Variants in PDE10A observed in about 807,000 individuals in gnomAD.
The protein encoded by PDE10A is cAMP and cAMP-inhibited cGMP 3',5'-cyclic phosphodiesterase 10A.
PDE10A carries 39 observed loss-of-function variants against 97.7 expected under a neutral mutation model. That is an observed-to-expected ratio of 0.40 (90% CI 0.31 to 0.52). PDE10A has a LOEUF of 0.52. Ranked by LOEUF, PDE10A falls within the 20% of genes least tolerant of loss-of-function variation. The pLI, the probability that PDE10A is intolerant of heterozygous loss-of-function variation, is 0.56. For missense variants in PDE10A, 731 were observed against 1,047.8 expected (o/e 0.70, Z 4.17); for synonymous variants, 371 against 376.8 (o/e 0.98, Z 0.18).
chr6:165,561,546 A>G (rs1261078862), intron 1 of PDE10A, among the ~76,000 whole-genome samples: 1 of 152,204 alleles, frequency 6.6e-6, no homozygotes, highest in Non-Finnish European at 1.5e-5. Flanking sequence ...AAAACGTAAC[A>G]TTTATTGCTG....
chr6:165,887,157 G>A (rs1781651348), intron 1 of PDE10A, among the ~76,000 whole-genome samples: 1 of 152,192 alleles, frequency 6.6e-6, no homozygotes, highest in Non-Finnish European at 1.5e-5. Flanking sequence ...TGAACTGAAA[G>A]ATGAGCATGA....
chr6:165,911,627 T>C (rs1782455838), intron 1 of PDE10A, among the ~76,000 whole-genome samples: 3 of 152,294 alleles, frequency 2.0e-5, no homozygotes, highest in South Asian at 4.2e-4. Flanking sequence ...AACATGAGGC[T>C]TTGCCCCACT....
At chr6:165,943,758 C>A (rs1192753381) in intron 1 of PDE10A, among the ~76,000 whole-genome samples, 1 of 152,228 alleles carries the variant, frequency 6.6e-6, no homozygotes, top group Non-Finnish European at 1.5e-5. Flanking sequence ...CTAATATCTT[C>A]TGGAAACGTC....
chr6:165,725,046 A>T (rs1201728064), intron 1 of PDE10A, among the ~76,000 whole-genome samples: 3 of 152,176 alleles, frequency 2.0e-5, no homozygotes, highest in African/African-American at 4.8e-5. Context: ...CGCCGAGGGA[A>T]ATTTGGCTGA....
chr6:165,578,590 A>G (rs775226702), intron 1 of PDE10A, among the ~76,000 whole-genome samples: 15 of 152,092 alleles, frequency 9.9e-5, no homozygotes, highest in Non-Finnish European at 1.6e-4. Context: ...CCCCATTCCT[A>G]TGGTCCTCAA....
intron 13 of PDE10A, among the ~76,000 whole-genome samples, chr6:165,406,009 G>A (rs1180340834): frequency 2.0e-5 from 3 of 152,000 alleles, no homozygotes; most frequent in South Asian, 2.1e-4. Flanking sequence ...ATGCTTATGT[G>A]TGGAACGAAC....
At chr6:165,405,160 G>A (rs998655322) in intron 13 of PDE10A, among the ~76,000 whole-genome samples, 5 of 152,158 alleles carry the variant, frequency 3.3e-5, no homozygotes, top group African/African-American at 4.8e-5. Context: ...AGGGGCATTG[G>A]AAAAATGACT....
At chr6:165,337,018 A>G (rs1021261054) in intron 20 of PDE10A, among the ~76,000 whole-genome samples, 2 of 152,006 alleles carry the variant, frequency 1.3e-5, no homozygotes, top group African/African-American at 4.8e-5. Flanking sequence ...GTGGTGTCCC[A>G]ATATTTACTC....
intron 2 of PDE10A, among the ~76,000 whole-genome samples, chr6:165,497,387 ATGTAACAACT>A (rs1780602509): frequency 1.3e-5 from 2 of 152,230 alleles, no homozygotes; most frequent in Non-Finnish European, 2.9e-5. Context: ...CCTATAGAAA[ATGTAACAACT>A]TGTAAAGTGC....
chr6:165,340,780 A>C (rs909866414), intron 19 of PDE10A, among the ~76,000 whole-genome samples: 1 of 152,198 alleles, frequency 6.6e-6, no homozygotes, highest in African/African-American at 2.4e-5. Context: ...AATGGCAGCT[A>C]GGGGCTGAGA....
At chr6:165,627,410 A>G (rs1788438481) in intron 1 of PDE10A, among the ~76,000 whole-genome samples, 1 of 152,256 alleles carries the variant, frequency 6.6e-6, no homozygotes, top group Non-Finnish European at 1.5e-5. Context: ...CATATGATTA[A>G]TTCTTAGAAA....
intron 3 of PDE10A, among the ~76,000 whole-genome samples, chr6:165,465,594 G>A (rs1201283393): frequency 6.6e-6 from 1 of 152,190 alleles, no homozygotes; most frequent in East Asian, 1.9e-4. Context: ...TTGACTTATA[G>A]TTCCACATGA....
intron 2 of PDE10A, among the ~76,000 whole-genome samples, chr6:165,537,167 T>C (rs1783137962): frequency 6.6e-6 from 1 of 151,830 alleles, no homozygotes; most frequent in Admixed American, 6.6e-5. Context: ...GTCCATTAAG[T>C]GAAATAAGCC....
chr6:165,932,826 T>C (rs1186394091), intron 1 of PDE10A, among the ~76,000 whole-genome samples: 1 of 152,202 alleles, frequency 6.6e-6, no homozygotes, highest in Middle Eastern at 3.2e-3. Context: ...GGCTTAGCCT[T>C]TAAAGACTCA....
Position 165,482,349 on chromosome 6 carries a change from G to A in PDE10A, c.995-6C>T. 6.3e-7 allele frequency: 1 copy of A among 1,598,910 alleles called. No individual in the cohort carries two copies. Among genetic ancestry groups the A allele is most frequent in the Non-Finnish European group, 8.6e-7 (1 of 1,166,446 alleles). ...TTCCTTAGGAGCTGATTCATCTGGG[G>A]ATAGAGAAGGAAGAGGGAAAAACAC... On this transcript the variant is annotated splice_region_variant and splice_polypyrimidine_tract_variant and intron_variant, in intron 2 of 21. Coordinates refer to ENST00000539869, the MANE Select transcript of PDE10A (RefSeq NM_001385079.1).
At chr6:165,650,266 A>T (rs1789611851) in intron 1 of PDE10A, among the ~76,000 whole-genome samples, 1 of 152,168 alleles carries the variant, frequency 6.6e-6, no homozygotes, top group African/African-American at 2.4e-5. Context: ...TTAATTTTTG[A>T]ATGGGAGATA....
rs1278658329 is a variant in PDE10A, at chr6:165,373,176, C to T, written c.2783+6018G>A. Among the ~76,000 whole-genome samples the T allele has an allele frequency of 4.0e-5, 6 of 151,228 alleles. No homozygotes were observed. In the East Asian group the frequency reaches 9.7e-4, roughly 24 times the overall value. On this transcript the variant is annotated intron_variant, in intron 18 of 21. Transcript: ENST00000539869. ...TTCAGGACATAGGCATGGGCAAGGA[C>T]TTCATGTCTAAAACACCAAAAGCAA... is the stretch of plus-strand genomic sequence containing the variant.
chr6:165,384,636 G>GTC (rs1297650429), intron 17 of PDE10A, among the ~76,000 whole-genome samples: 1 of 94,948 alleles, frequency 1.1e-5, no homozygotes, highest in Non-Finnish European at 2.0e-5. Flanking sequence ...GAGTGAGTGT[G>GTC]TGTGTGTGTG....
At chr6:165,730,572 T>C (rs923056578) in intron 1 of PDE10A, among the ~76,000 whole-genome samples, 1 of 150,194 alleles carries the variant, frequency 6.7e-6, no homozygotes, top group Admixed American at 6.7e-5. Flanking sequence ...GCCAACATGG[T>C]GAAACCCGGT....
Sources: allele counts gnomAD v4.1 joint callset (sites outside exome capture counted in the v4.1 genomes callset), GRCh38; gene constraint gnomAD v4.1.1; transcripts MANE v1.5; gene names NCBI Gene and HGNC (gene_info 2026-07-23, HGNC 2026-07-21).